GNPDA2: variants seen among roughly 807,000 people sequenced by gnomAD.
The protein encoded by GNPDA2 is glcN6P deaminase 2.
In GNPDA2, 24 loss-of-function variants were observed where a neutral mutation model predicts 27.0. The observed-to-expected ratio is 0.89, with a 90% CI of 0.64 to 1.25. The LOEUF (loss-of-function observed/expected upper bound fraction) is 1.25. GNPDA2 is among the 50% of genes most tolerant of loss of function. The pLI, the probability that GNPDA2 is intolerant of heterozygous loss-of-function variation, is 0.00. For synonymous variants in GNPDA2, 94 were observed against 108.4 expected (o/e 0.87, Z 0.83); for missense variants, 286 against 335.1 (o/e 0.85, Z 1.14).
At chr4:44,708,566 C>T (rs909810169) in intron 5 of GNPDA2, among the ~76,000 whole-genome samples, 1 of 152,008 alleles carries the variant, frequency 6.6e-6, no homozygotes, top group Non-Finnish European at 1.5e-5. Context: ...ACAGAAAATC[C>T]AAGCTCTTGG....
intron 4 of GNPDA2, among the ~76,000 whole-genome samples, chr4:44,713,483 C>T (rs1717095268): frequency 1.3e-5 from 2 of 152,246 alleles, no homozygotes; most frequent in Admixed American, 1.3e-4. Context: ...ACTTTTGATC[C>T]CATTAGTTAT....
intron 5 of GNPDA2, among the ~76,000 whole-genome samples, chr4:44,710,063 A>G (rs1716876791): frequency 6.6e-6 from 1 of 152,204 alleles, no homozygotes; most frequent in Non-Finnish European, 1.5e-5. Context: ...AATCTATTAC[A>G]TAACTCAGTT....
chr4:44,716,902 CA>C (rs1717327795), intron 4 of GNPDA2, among the ~76,000 whole-genome samples: 1 of 151,752 alleles, frequency 6.6e-6, no homozygotes, highest in Admixed American at 6.6e-5. Context: ...ATAAGGTAAA[CA>C]ATTCCAGCTG....
chr4:44,711,416 C>T (rs1716971906), intron 4 of GNPDA2, among the ~76,000 whole-genome samples: 1 of 152,104 alleles, frequency 6.6e-6, no homozygotes, highest in Admixed American at 6.6e-5. Flanking sequence ...TGCATCATCA[C>T]AACAGATTAT....
At position 44,707,742 on chromosome 4, in the gene GNPDA2, C is replaced by T; in HGVS notation, c.769+10G>A. The T allele has an allele frequency of 6.2e-7, 1 of 1,608,738 alleles. No individual in the cohort carries two copies. On this transcript the variant is annotated intron_variant, in intron 6 of 6. Coordinates refer to ENST00000295448, the MANE Select transcript of GNPDA2 (RefSeq NM_138335.3). ...ATTATCTCAGTCGGCTTTTGAAATT[C>T]AGTGCTCACCTTTAAAGTATTTCAC...
rs774691601 is a variant in GNPDA2, at chr4:44,707,744, G to A, written c.769+8C>T. On this transcript the variant is annotated splice_region_variant and intron_variant, in intron 6 of 6. Transcript: ENST00000295448. ...TATCTCAGTCGGCTTTTGAAATTCA[G>A]TGCTCACCTTTAAAGTATTTCACAG... 3 of 1,609,560 alleles carry A rather than the reference G, an allele frequency of 1.9e-6. No homozygotes were observed. Among genetic ancestry groups the A allele is most frequent in the South Asian group, 2.2e-5 (2 of 90,774 alleles).
chr4:44,715,544 G>C (rs1717233036), intron 4 of GNPDA2, among the ~76,000 whole-genome samples: 1 of 151,930 alleles, frequency 6.6e-6, no homozygotes, highest in Admixed American at 6.6e-5. Flanking sequence ...TTTTGGTGTG[G>C]AGCTTAGAAA....
At chr4:44,719,517 T>A (rs1034728589) in intron 2 of GNPDA2, among the ~76,000 whole-genome samples, 1 of 152,094 alleles carries the variant, frequency 6.6e-6, no homozygotes, top group Non-Finnish European at 1.5e-5. Flanking sequence ...TGTTTTCAAT[T>A]ACAATTATTA....
intron 4 of GNPDA2, 119 bp downstream of exon 4, chr4:44,716,994 G>A (rs867632745): frequency 5.0e-5 from 30 of 601,812 alleles, no homozygotes; most frequent in South Asian, 3.0e-4. Context: ...GAATAAACGC[G>A]TATTACGGAC....
intron 2 of GNPDA2, among the ~76,000 whole-genome samples, chr4:44,718,878 C>T (rs7687240): frequency 0.98 from 149,201 of 152,060 alleles, 73,263 homozygotes; most frequent in East Asian, 1. Flanking sequence ...CTGGCAAACA[C>T]TGAGTAGGGA....
chr4:44,707,875 T>C lies in GNPDA2; in HGVS notation c.646A>G (p.Ile216Val), dbSNP rs772708286. Reference sequence around the variant, plus strand: ...CACATGTGATTGACTCCTTCTTCTATTGCTTTGTACAGGGCAAATGCCTTG... The same window carrying C: ...CACATGTGATTGACTCCTTCTTCTACTGCTTTGTACAGGGCAAATGCCTTG... ...AHKAFALYKA[I>V]EEGVNHMWTV... Residue 216 changes from isoleucine (I) to valine (V), a missense_variant, in exon 6 of 7, where the codon ATA (isoleucine) becomes GTA (valine). Ile to Val is a conservative substitution (Grantham distance 29, BLOSUM62 3). Coordinates refer to ENST00000295448, the MANE Select transcript of GNPDA2 (RefSeq NM_138335.3). The C allele has an allele frequency of 2.5e-6, 4 of 1,613,360 alleles. No individual in the cohort carries two copies. Among genetic ancestry groups the C allele is most frequent in the Non-Finnish European group, 8.5e-7 (1 of 1,179,482 alleles).
chr4:44,720,535 G>A (rs1490658401), intron 2 of GNPDA2, among the ~76,000 whole-genome samples: 2 of 152,058 alleles, frequency 1.3e-5, no homozygotes, highest in African/African-American at 4.8e-5. Flanking sequence ...ACAGCATGCA[G>A]GCCTTTAAAT....
chr4:44,714,435 C>T (rs961808499), intron 4 of GNPDA2: 3 of 985,314 alleles, frequency 3.0e-6, no homozygotes, highest in Middle Eastern at 5.2e-4. Flanking sequence ...TTTCCCTCTT[C>T]CCTCAGAGGA....
intron 6 of GNPDA2, 193 bp downstream of exon 6, chr4:44,707,559 G>GA (rs11337450): frequency 4.3e-4 from 158 of 368,462 alleles, no homozygotes; most frequent in East Asian, 9.1e-4. Context: ...TTCTCTTCAT[G>GA]AAAAAAAAAA....
At chr4:44,714,451 A>G in intron 4 of GNPDA2, 9 of 985,132 alleles carry the variant, frequency 9.1e-6, no homozygotes, top group Non-Finnish European at 1.1e-5. Flanking sequence ...GAGGAAAGGG[A>G]CCTCTGCTCT....
chr4:44,704,358 C>A (rs1185879553), intron 6 of GNPDA2: 10 of 950,414 alleles, frequency 1.1e-5, no homozygotes, highest in Non-Finnish European at 1.3e-5. Context: ...TGTAGAGGAT[C>A]GTTTTTCTAC....
intron 6 of GNPDA2, chr4:44,704,097 G>A: frequency 1.0e-6 from 1 of 985,006 alleles, no homozygotes; most frequent in Non-Finnish European, 1.2e-6. Flanking sequence ...CCAGCTTTGA[G>A]AAAGACCCAC....
chr4:44,714,516 C>T, intron 4 of GNPDA2: 1 of 985,396 alleles, frequency 1.0e-6, no homozygotes, highest in Non-Finnish European at 1.2e-6. Flanking sequence ...TCTCATTCTA[C>T]TGTTTCCAAT....
rs1716939805 is a variant in GNPDA2, at chr4:44,710,959, A to G, written c.588T>C (p.Ala196=). 6.3e-7 allele frequency: 1 copy of G among 1,593,438 alleles called. No homozygotes were observed. ...LTVGVGTVMD[A]REVMILITGA... Reference sequence around the variant, plus strand: ...AAGAATATTTAATGCTTACTTCTCTAGCATCCATCACTGTCCCCACACCAA... The same window carrying G: ...AAGAATATTTAATGCTTACTTCTCTGGCATCCATCACTGTCCCCACACCAA... Residue 196 remains alanine, a synonymous_variant, in exon 5 of 7, where the codon GCT becomes GCC. Transcript: ENST00000295448.
Sources: allele counts gnomAD v4.1 joint callset (sites outside exome capture counted in the v4.1 genomes callset), GRCh38; gene constraint gnomAD v4.1.1; transcripts MANE v1.5; gene names NCBI Gene and HGNC (gene_info 2026-07-23, HGNC 2026-07-21).